The following DACH2 variants were observed in gnomAD, a reference collection of about 807,000 sequenced individuals.
DACH2 encodes the protein dachshund homolog 2.
A neutral mutation model predicts 35.8 loss-of-function variants in DACH2; 17 were observed. The observed-to-expected ratio is 0.48, with a 90% CI of 0.33 to 0.71. DACH2 has a LOEUF of 0.71. DACH2 is among the 30% of genes least tolerant of loss of function. The pLI, the probability that DACH2 is intolerant of heterozygous loss-of-function variation, is 0.02. For synonymous variants in DACH2, 195 were observed against 177.3 expected, an observed-to-expected ratio of 1.10 and a Z score of -0.79; for missense variants, 469 against 472.7, an observed-to-expected ratio of 0.99 and a Z score of 0.07.
In DACH2 at chrX:86,774,243, A is replaced by G. The variant is rs139749043; in HGVS notation, c.1240+34361A>G. 6.2e-4 allele frequency among the ~76,000 whole-genome samples: 70 copies of G among 112,317 alleles called. 1 individual carries two copies. The East Asian group carries it at 8.7e-3, about 14-fold the overall frequency. ...TTCCTATGTAAACAGTAGCTTAAGT[A>G]TCTTCATCATATTTGGAGCTCAGAA... On this transcript the variant is annotated intron_variant, in intron 7 of 11. Coordinates refer to ENST00000373125, the MANE Select transcript of DACH2 (RefSeq NM_053281.3).
intron 6 of DACH2, among the ~76,000 whole-genome samples, chrX:86,716,587 G>A (rs2041339314): frequency 9.0e-6 from 1 of 111,372 alleles, no homozygotes; most frequent in Admixed American, 9.6e-5. Flanking sequence ...TACTGGCTTT[G>A]GAATGATGGA....
Position 86,463,855 on chromosome X carries a change from G to A in DACH2, c.528-50424G>A, listed in dbSNP as rs1485440547. On this transcript the variant is annotated intron_variant, in intron 2 of 11. Coordinates refer to ENST00000373125, the MANE Select transcript of DACH2 (RefSeq NM_053281.3). Reference sequence around the variant, plus strand: ...AAAAAAATAACTCCATCAAAAAGTGGGCAAAGGGTATAAACAGACCCTTCT... The same window carrying A: ...AAAAAAATAACTCCATCAAAAAGTGAGCAAAGGGTATAAACAGACCCTTCT... Among the ~76,000 whole-genome samples, 5 of 111,249 alleles carry A rather than the reference G, an allele frequency of 4.5e-5. 1 individual carries two copies. Among genetic ancestry groups the A allele is most frequent in the Middle Eastern group, 8.4e-3 (2 of 237 alleles).
At chrX:86,478,358 A>G (rs1262444448) in intron 2 of DACH2, among the ~76,000 whole-genome samples, 1 of 110,342 alleles carries the variant, frequency 9.1e-6, no homozygotes, top group Non-Finnish European at 1.9e-5. Flanking sequence ...TGTGTGAAGG[A>G]TATTTTTGCC....
In DACH2 at chrX:86,566,742, T is replaced by C. The variant is rs56045382; in HGVS notation, c.640+52351T>C. On this transcript the variant is annotated intron_variant, in intron 3 of 11. Transcript: ENST00000373125. ...ACTTCATCATCATCATCATCATCAT[T>C]ATAATGACCTAATAACATCTTTGTG... Among the ~76,000 whole-genome samples the C allele has an allele frequency of 9.2e-3, 952 of 103,624 alleles. 13 individuals are homozygous for C. Among genetic ancestry groups the C allele is most frequent in the East Asian group, 0.04 (128 of 3,234 alleles). The allele number at this position is 103,624 out of a possible 115,157, so 90.0% of individuals were successfully genotyped here.
intron 1 of DACH2, among the ~76,000 whole-genome samples, chrX:86,332,876 A>G (rs1602412950): frequency 8.9e-6 from 1 of 112,003 alleles, no homozygotes. Context: ...GGAATAAAAT[A>G]CATTGAGGAT....
At chrX:86,336,652 C>T (rs1314897895) in intron 1 of DACH2, among the ~76,000 whole-genome samples, 2 of 111,186 alleles carry the variant, frequency 1.8e-5, no homozygotes, top group African/African-American at 6.5e-5. Context: ...ATTCTAAAAA[C>T]CAGAATGCCT....
chrX:86,288,309 C>A (rs1055674192), intron 1 of DACH2, among the ~76,000 whole-genome samples: 2 of 112,272 alleles, frequency 1.8e-5, no homozygotes, highest in East Asian at 2.8e-4. Flanking sequence ...ATGGCCACCA[C>A]TTCTGTGACT....
At chrX:86,715,266 G>A (rs767654396) in intron 6 of DACH2, among the ~76,000 whole-genome samples, 1 of 111,238 alleles carries the variant, frequency 9.0e-6, no homozygotes, top group African/African-American at 3.3e-5. Flanking sequence ...GATAATATGA[G>A]TAAAATATAT....
intron 3 of DACH2, among the ~76,000 whole-genome samples, chrX:86,623,245 G>T (rs2040089780): frequency 8.9e-6 from 1 of 112,315 alleles, no homozygotes; most frequent in South Asian, 3.6e-4. Flanking sequence ...GTGTAAATAT[G>T]TCTATGTGAT....
At chrX:86,560,588 A>T (rs1203503570) in intron 3 of DACH2, among the ~76,000 whole-genome samples, 2 of 98,557 alleles carry the variant, frequency 2.0e-5, no homozygotes, top group Non-Finnish European at 4.1e-5. Flanking sequence ...CCTCAGAAAT[A>T]ATGCCGCATA....
chrX:86,806,872 T>C (rs2042349708), intron 7 of DACH2, among the ~76,000 whole-genome samples: 1 of 112,023 alleles, frequency 8.9e-6, no homozygotes, highest in African/African-American at 3.2e-5. Context: ...TCCCAACCAG[T>C]ATTGACATTT....
chrX:86,273,714 G>A (rs989929513), intron 1 of DACH2, among the ~76,000 whole-genome samples: 17 of 111,751 alleles, frequency 1.5e-4, no homozygotes, highest in African/African-American at 5.5e-4. Flanking sequence ...GGTTTTGTGG[G>A]GAATAAAAAT....
chrX:86,642,693 T>G (rs1248319458), intron 3 of DACH2, among the ~76,000 whole-genome samples: 1 of 111,801 alleles, frequency 8.9e-6, no homozygotes, highest in Non-Finnish European at 1.9e-5. Context: ...CTAAAATCAA[T>G]TAAGTAATTG....
intron 1 of DACH2, among the ~76,000 whole-genome samples, chrX:86,274,745 A>G (rs1222686333): frequency 6.4e-5 from 7 of 109,543 alleles, no homozygotes; most frequent in Admixed American, 5.9e-4. Flanking sequence ...TGATCTGCCC[A>G]CCTCGGCCTC....
intron 3 of DACH2, among the ~76,000 whole-genome samples, chrX:86,615,765 A>T (rs1348213165): frequency 2.7e-5 from 3 of 110,605 alleles, no homozygotes; most frequent in African/African-American, 6.6e-5. Context: ...CTGCCTACTG[A>T]TTTATTTTAT....
chrX:86,556,508 G>C (rs2039120543), intron 3 of DACH2, among the ~76,000 whole-genome samples: 1 of 108,875 alleles, frequency 9.2e-6, no homozygotes, highest in Non-Finnish European at 1.9e-5. Context: ...TTGGCCAAAA[G>C]AAAGGCCCTG....
chrX:86,320,058 T>G (rs769877004), intron 1 of DACH2, among the ~76,000 whole-genome samples: 1 of 111,613 alleles, frequency 9.0e-6, no homozygotes, highest in Admixed American at 9.5e-5. Flanking sequence ...AGGAGTTCCA[T>G]GAGGAAAATA....
chrX:86,826,333 G>A (rs2042562055), intron 11 of DACH2, among the ~76,000 whole-genome samples: 1 of 111,338 alleles, frequency 9.0e-6, no homozygotes, highest in African/African-American at 3.3e-5. Flanking sequence ...GACACCATTT[G>A]CACAAAAAAG....
chrX:86,233,179 G>T (rs2147934698), intron 1 of DACH2, among the ~76,000 whole-genome samples: 1 of 111,095 alleles, frequency 9.0e-6, no homozygotes, highest in South Asian at 3.8e-4. Context: ...ATACACACTG[G>T]GTCTATAGGA....
Sources: allele counts gnomAD v4.1 joint callset (sites outside exome capture counted in the v4.1 genomes callset), GRCh38; gene constraint gnomAD v4.1.1; transcripts MANE v1.5; gene names NCBI Gene and HGNC (gene_info 2026-07-23, HGNC 2026-07-21).